GLIS3: variants seen among roughly 807,000 people sequenced by gnomAD.
GLIS3 encodes the protein zinc finger protein GLIS3.
In GLIS3, 53 loss-of-function variants were observed where a neutral mutation model predicts 78.6. The observed-to-expected ratio is 0.67, with a 90% CI of 0.54 to 0.85. The LOEUF is 0.85. Among genes scored for constraint, GLIS3 ranks in the 40% least tolerant of loss-of-function variants. The pLI is 0.00. For synonymous variants in GLIS3, 684 were observed against 509.9 expected, an observed-to-expected ratio of 1.34 and a Z score of -4.60; for missense variants, 1,703 against 1,231.1, an observed-to-expected ratio of 1.38 and a Z score of -5.74.
chr9:4,179,293 T>C (rs1237525066), intron 2 of GLIS3, among the ~76,000 whole-genome samples: 1 of 152,200 alleles, frequency 6.6e-6, no homozygotes, highest in Non-Finnish European at 1.5e-5. Flanking sequence ...GTGTCGAGGT[T>C]TGCCCTGGAG....
At chr9:4,428,671 G>A in the GLIS3 span, among the ~76,000 whole-genome samples, 2 of 151,960 alleles carry the variant, frequency 1.3e-5, no homozygotes. Context: ...TCATGGTGTG[G>A]AACCTTAAAC....
the GLIS3 span, among the ~76,000 whole-genome samples, chr9:4,382,234 ATAT>A: frequency 6.6e-6 from 1 of 152,168 alleles, no homozygotes; most frequent in Admixed American, 6.5e-5. Flanking sequence ...ATCAGGGTAA[ATAT>A]TATTACTCTA....
chr9:4,250,946 T>A (rs1824313149), intron 2 of GLIS3, among the ~76,000 whole-genome samples: 1 of 145,334 alleles, frequency 6.9e-6, no homozygotes, highest in Non-Finnish European at 1.5e-5. Flanking sequence ...TAATCTTGAG[T>A]TCTAATTTGA....
intron 2 of GLIS3, among the ~76,000 whole-genome samples, chr9:4,249,868 T>G (rs1006880591): frequency 1.3e-5 from 2 of 152,226 alleles, no homozygotes; most frequent in Non-Finnish European, 2.9e-5. Context: ...GTGCATCTAT[T>G]GAGATAACCA....
intron 1 of GLIS3, among the ~76,000 whole-genome samples, chr9:4,292,496 G>C (rs17717221): frequency 0.036 from 5,431 of 152,200 alleles, 240 homozygotes; most frequent in Admixed American, 0.1. Flanking sequence ...CAGGTACAGA[G>C]TTGAACAGTC....
the GLIS3 span, among the ~76,000 whole-genome samples, chr9:4,411,520 G>C: frequency 1.3e-5 from 2 of 152,178 alleles, no homozygotes; most frequent in Non-Finnish European, 2.9e-5. Flanking sequence ...GAATTTATCT[G>C]TGTATCCCAG....
At chr9:3,838,203 T>A (rs756138401) in intron 9 of GLIS3, among the ~76,000 whole-genome samples, 12 of 152,238 alleles carry the variant, frequency 7.9e-5, no homozygotes, top group Non-Finnish European at 1.5e-4. Flanking sequence ...GACTAGTACC[T>A]GGCATGTAGT....
upstream of GLIS3, among the ~76,000 whole-genome samples, chr9:4,352,316 G>C (rs550324319): frequency 6.6e-6 from 1 of 152,242 alleles, no homozygotes; most frequent in Admixed American, 6.5e-5. Flanking sequence ...CCTGAGGTTG[G>C]CCTATGACTA....
At chr9:4,172,867 G>A (rs934534435) in intron 2 of GLIS3, among the ~76,000 whole-genome samples, 1 of 152,180 alleles carries the variant, frequency 6.6e-6, no homozygotes, top group Non-Finnish European at 1.5e-5. Flanking sequence ...CAGGCAGATG[G>A]AAATACTGCA....
At chr9:4,138,007 C>T (rs945590120) in intron 2 of GLIS3, among the ~76,000 whole-genome samples, 4 of 152,212 alleles carry the variant, frequency 2.6e-5, no homozygotes, top group African/African-American at 9.6e-5. Context: ...TAATTTATTG[C>T]TCACAGATCA....
chr9:3,871,711 G>T (rs2130391482), intron 8 of GLIS3, among the ~76,000 whole-genome samples: 1 of 152,332 alleles, frequency 6.6e-6, no homozygotes, highest in Middle Eastern at 3.4e-3. Flanking sequence ...CCTGGGCCAG[G>T]CCCTGGAGAC....
chr9:4,366,310 G>C, the GLIS3 span, among the ~76,000 whole-genome samples: 1 of 152,156 alleles, frequency 6.6e-6, no homozygotes, highest in Non-Finnish European at 1.5e-5. Flanking sequence ...CTAGAAAAGA[G>C]TAGACTTCTT....
intron 2 of GLIS3, among the ~76,000 whole-genome samples, chr9:4,258,118 T>C (rs1254610823): frequency 6.6e-6 from 1 of 152,208 alleles, no homozygotes; most frequent in Non-Finnish European, 1.5e-5. Flanking sequence ...AATTTTATTT[T>C]ATTCTTTCTA....
At chr9:4,222,637 GC>G (rs1216189515) in intron 2 of GLIS3, among the ~76,000 whole-genome samples, 4 of 152,148 alleles carry the variant, frequency 2.6e-5, no homozygotes, top group African/African-American at 9.7e-5. Context: ...AATTTTGCAG[GC>G]AAGTGTTTGG....
intron 4 of GLIS3, among the ~76,000 whole-genome samples, chr9:4,077,348 T>C (rs1052106395): frequency 6.6e-6 from 1 of 152,150 alleles, no homozygotes; most frequent in African/African-American, 2.4e-5. Flanking sequence ...TTAAAAGAGA[T>C]GCTGAGAAAC....
chr9:4,455,976 TG>T, the GLIS3 span, among the ~76,000 whole-genome samples: 1 of 152,108 alleles, frequency 6.6e-6, no homozygotes, highest in East Asian at 1.9e-4. Context: ...TAGCCGGGTG[TG>T]GTGTTGCACA....
chr9:4,008,007 T>C (rs1482132725), intron 4 of GLIS3, among the ~76,000 whole-genome samples: 1 of 151,986 alleles, frequency 6.6e-6, no homozygotes, highest in African/African-American at 2.4e-5. Context: ...GGGTTGCATA[T>C]CCACACTCCC....
At chr9:3,935,893 C>T (rs945630272) in intron 5 of GLIS3, among the ~76,000 whole-genome samples, 3 of 152,038 alleles carry the variant, frequency 2.0e-5, no homozygotes, top group South Asian at 2.1e-4. Context: ...GGCAAACCAT[C>T]GCATTTATGC....
At chr9:3,923,332 G>A (rs1414348226) in intron 6 of GLIS3, among the ~76,000 whole-genome samples, 1 of 152,096 alleles carries the variant, frequency 6.6e-6, no homozygotes, top group Non-Finnish European at 1.5e-5. Context: ...TATCTCAATA[G>A]CCAATAAATG....
Sources: allele counts gnomAD v4.1 joint callset (sites outside exome capture counted in the v4.1 genomes callset), GRCh38; gene constraint gnomAD v4.1.1; transcripts MANE v1.5; gene names NCBI Gene and HGNC (gene_info 2026-07-23, HGNC 2026-07-21).